The following DNAJC25 variants were observed in gnomAD, a reference collection of about 807,000 sequenced individuals.
DNAJC25 encodes dnaJ homolog subfamily C member 25.
DNAJC25 carries 26 observed loss-of-function variants against 42.1 expected under a neutral mutation model. The observed-to-expected ratio is 0.62, with a 90% CI of 0.45 to 0.86. The LOEUF is 0.86. DNAJC25 is among the 40% of genes least tolerant of loss of function. The pLI is 0.00. For synonymous variants in DNAJC25, 189 were observed against 179.9 expected, an observed-to-expected ratio of 1.05 and a Z score of -0.40; for missense variants, 404 against 459.4, an observed-to-expected ratio of 0.88 and a Z score of 1.10.
chr9:111,641,158 C>T (rs1415484423), intron 1 of DNAJC25, among the ~76,000 whole-genome samples: 12 of 110,836 alleles, frequency 1.1e-4, no homozygotes, highest in Admixed American at 1.7e-4. Context: ...CGGCCAGCCG[C>T]CCCATCCGGG....
chr9:111,637,209 C>G (rs1466030949), intron 1 of DNAJC25, among the ~76,000 whole-genome samples: 1 of 151,938 alleles, frequency 6.6e-6, no homozygotes, highest in Non-Finnish European at 1.5e-5. Flanking sequence ...AGGTTGGGAG[C>G]CTGCGAGGTG....
At chr9:111,653,065 G>C (rs1341719784) in intron 3 of DNAJC25, 35 bp from the exon 4 acceptor site, 2 of 1,525,228 alleles carry the variant, frequency 1.3e-6, no homozygotes, top group Non-Finnish European at 1.8e-6. Context: ...GTTCCTCTTT[G>C]GATTGTGAAG....
chr9:111,649,352 G>A, intron 2 of DNAJC25, 101 bp from the exon 3 acceptor site: 1 of 1,420,894 alleles, frequency 7.0e-7, no homozygotes, highest in Non-Finnish European at 9.2e-7. Context: ...TAATTGTAAT[G>A]GTTTCTTGGG....
rs757221838 is a variant in DNAJC25, at chr9:111,653,232, GAATGCTACT to G, written c.*12_*20del. ...ATTTGTGGATGACTGAAGATTGATG[GAATGCTACT>G]ATGCCAAACCTTAATTGTGATATTA... On this transcript the variant is annotated 3_prime_UTR_variant, in exon 4 of 4. Coordinates refer to ENST00000313525, the MANE Select transcript of DNAJC25 (RefSeq NM_001015882.3). The G allele has an allele frequency of 9.0e-6, 14 of 1,557,782 alleles. No individual in the cohort carries two copies. The South Asian group carries it at 1.4e-4, about 15-fold the overall frequency.
intron 1 of DNAJC25, among the ~76,000 whole-genome samples, chr9:111,646,516 A>G (rs1366895687): frequency 6.6e-6 from 1 of 152,238 alleles, no homozygotes; most frequent in Non-Finnish European, 1.5e-5. Context: ...ATTCACAACA[A>G]CAGGGATTGT....
rs1164535014 is a variant in DNAJC25 at position 111,653,542 on chromosome 9, T to G, written c.*320T>G. On this transcript the variant is annotated 3_prime_UTR_variant, in exon 4 of 4. Coordinates refer to ENST00000313525, the MANE Select transcript of DNAJC25 (RefSeq NM_001015882.3). ...AATTTATTAGATACCATTTAAAAAT[T>G]TTATGTGTTATGTGTTTATTCTTTG... The G allele has an allele frequency of 5.7e-6, 1 of 174,890 alleles. No individual in the cohort carries two copies. Among genetic ancestry groups the G allele is most frequent in the African/African-American group, 2.4e-5 (1 of 42,328 alleles). 10.8% of individuals were successfully genotyped at this position (174,890 alleles called of 1,614,324 possible).
At chr9:111,642,924 T>A in intron 1 of DNAJC25, 1 of 471,088 alleles carries the variant, frequency 2.1e-6, no homozygotes. Context: ...CAGTTATTCC[T>A]GTAGAGATTA....
chr9:111,644,815 G>A (rs1830541725), intron 1 of DNAJC25, among the ~76,000 whole-genome samples: 1 of 152,226 alleles, frequency 6.6e-6, no homozygotes, highest in East Asian at 1.9e-4. Context: ...AAAAAGCAGA[G>A]GGAGAATGGG....
chr9:111,647,201 C>CT lies in DNAJC25; in HGVS notation c.432dup (p.Lys145Ter), dbSNP rs1157283986. ...CACTACTATAGCAGGCGCTTGGCCCCTAAGGTGGATGTTAGAGTAGTGATT... is the reference window on the plus strand; with the variant it reads ...CACTACTATAGCAGGCGCTTGGCCCCTTAAGGTGGATGTTAGAGTAGTGATT... On this transcript the variant is annotated frameshift_variant, in exon 2 of 4. Coordinates refer to ENST00000313525, the MANE Select transcript of DNAJC25 (RefSeq NM_001015882.3). LOFTEE classifies it high-confidence loss of function. The CT allele has an allele frequency of 6.2e-7, 1 of 1,614,018 alleles. No individual in the cohort carries two copies. The highest frequency in any genetic ancestry group is 8.5e-7 in the Non-Finnish European group (1 of 1,180,032).
At chr9:111,651,923 C>T (rs914039018) in intron 3 of DNAJC25, among the ~76,000 whole-genome samples, 2 of 150,866 alleles carry the variant, frequency 1.3e-5, no homozygotes, top group African/African-American at 4.9e-5. Context: ...GTTTATTTAA[C>T]CTTCTTTGGA....
intron 1 of DNAJC25, among the ~76,000 whole-genome samples, chr9:111,636,487 A>G (rs1432169126): frequency 3.3e-5 from 5 of 152,190 alleles, no homozygotes; most frequent in African/African-American, 1.2e-4. Context: ...ATAATTATAT[A>G]AATTGCTTTC....
chr9:111,647,711 C>T (rs1202618092), intron 2 of DNAJC25, among the ~76,000 whole-genome samples: 1 of 152,192 alleles, frequency 6.6e-6, no homozygotes, highest in Non-Finnish European at 1.5e-5. Context: ...TTTCTGTGTG[C>T]CCCTTTAAGG....
chr9:111,639,162 G>T (rs1266642281), intron 1 of DNAJC25, among the ~76,000 whole-genome samples: 1 of 152,156 alleles, frequency 6.6e-6, no homozygotes, highest in Non-Finnish European at 1.5e-5. Flanking sequence ...TTTCTTGCTT[G>T]CTAGATTCTT....
intron 1 of DNAJC25, chr9:111,643,061 ATTGCTG>A: frequency 2.9e-6 from 1 of 344,598 alleles, no homozygotes; most frequent in South Asian, 2.4e-5. Context: ...GATCCACAAA[ATTGCTG>A]AAAGAAAAAG....
Position 111,639,653 on chromosome 9 carries a change from G to GT in DNAJC25, c.337-7442dup, listed in dbSNP as rs1225215141. Reference sequence around the variant, plus strand: ...TGGAAAAAAATTTAGACTAGAGGTTGTTTTTTTTTTTTGAAGGATCATTTC... The same window carrying GT: ...TGGAAAAAAATTTAGACTAGAGGTTGTTTTTTTTTTTTTGAAGGATCATTTC... On this transcript the variant is annotated intron_variant, in intron 1 of 3. Coordinates refer to ENST00000313525, the MANE Select transcript of DNAJC25 (RefSeq NM_001015882.3). 5.9e-3 allele frequency among the ~76,000 whole-genome samples: 800 copies of GT among 136,650 alleles called. 8 individuals are homozygous for GT. Among genetic ancestry groups the GT allele is most frequent in the East Asian group, 0.016 (77 of 4,716 alleles). 89.6% of individuals were successfully genotyped at this position (136,650 alleles called of 152,430 possible).
At chr9:111,632,690 T>C (rs1215902473) in intron 1 of DNAJC25, among the ~76,000 whole-genome samples, 5 of 18,542 alleles carry the variant, frequency 2.7e-4, no homozygotes, top group Non-Finnish European at 3.5e-4. Flanking sequence ...TTTTCTAGCC[T>C]TTTTTTTTTT....
At chr9:111,647,038 T>G in intron 1 of DNAJC25, 69 bp from the exon 2 acceptor site, 1 of 1,459,116 alleles carries the variant, frequency 6.9e-7, no homozygotes, top group Middle Eastern at 2.4e-4. Flanking sequence ...TATATGTGAT[T>G]TAACAGATTA....
At position 111,649,822 on chromosome 9, in the gene DNAJC25, C is replaced by A. The variant is rs753374082; in HGVS notation, c.859C>A (p.Arg287Ser). ...YGEEERLYII[R>S]KSMKMSKSQF... Reference sequence around the variant, plus strand: ...AGAGGAAGAGAGATTATACATTATACGTAAATCTATGAAGATGTCAAAGTC... The same window carrying A: ...AGAGGAAGAGAGATTATACATTATAAGTAAATCTATGAAGATGTCAAAGTC... The change falls in exon 3 of 4, where the codon CGT becomes AGT. Residue 287 changes from arginine to serine, a missense_variant. Physicochemically the swap from Arg to Ser is moderately radical, Grantham distance 110. Transcript: ENST00000313525. 1.9e-6 allele frequency: 3 copies of A among 1,613,098 alleles called. No homozygotes were observed. Among genetic ancestry groups the A allele is most frequent in the Non-Finnish European group, 2.5e-6 (3 of 1,179,742 alleles).
At chr9:111,636,892 ATG>A (rs1460430772) in intron 1 of DNAJC25, among the ~76,000 whole-genome samples, 3 of 152,090 alleles carry the variant, frequency 2.0e-5, no homozygotes, top group African/African-American at 7.2e-5. Flanking sequence ...GAACCCGTAA[ATG>A]TTAGTTTTTA....
Sources: gnomAD v4.1 joint callset for allele counts (sites outside exome capture counted in the v4.1 genomes callset) on GRCh38, gnomAD v4.1.1 for gene constraint, MANE v1.5 for transcripts, NCBI Gene and HGNC (gene_info 2026-07-23, HGNC 2026-07-21) for gene names.